NEB: variants seen among roughly 807,000 people sequenced by gnomAD.
NEB encodes nemaline myopathy type 2.
Under a neutral mutation model 952.2 loss-of-function variants are expected in NEB, and 512 were observed. That is an observed-to-expected ratio of 0.54 (90% confidence interval 0.50 to 0.58). The LOEUF (loss-of-function observed/expected upper bound fraction) is 0.58. Ranked by LOEUF, NEB falls within the 20% of genes least tolerant of loss-of-function variation. NEB has a pLI of 0.00. For missense variants in NEB, 8,428 were observed against 9,231.1 expected (o/e 0.91, Z 3.56); for synonymous variants, 2,900 against 3,149.8 (o/e 0.92, Z 2.66).
intron 52 of NEB, 76 bp downstream of exon 52, chr2:151,653,916 A>G: frequency 2.2e-6 from 2 of 919,768 alleles, no homozygotes; most frequent in Non-Finnish European, 3.5e-6. Flanking sequence ...AAGACTATCC[A>G]TAAAAATAGT....
intron 74 of NEB, among the ~76,000 whole-genome samples, chr2:151,617,923 G>T (rs2098258754): frequency 6.6e-6 from 1 of 152,118 alleles, no homozygotes; most frequent in Non-Finnish European, 1.5e-5. Context: ...TGCTGGGTGT[G>T]GTGGCAGGCT....
chr2:151,539,441 C>T (rs2093710767), intron 138 of NEB, among the ~76,000 whole-genome samples: 1 of 152,110 alleles, frequency 6.6e-6, no homozygotes, highest in Non-Finnish European at 1.5e-5. Context: ...TTTGCTGTGC[C>T]TTCTCTTTTC....
Position 151,493,798 on chromosome 2 carries a change from G to A in NEB, c.24649C>T (p.Arg8217Cys), listed in dbSNP as rs542275170. 19 of 1,583,134 alleles carry A rather than the reference G, an allele frequency of 1.2e-5. No individual in the cohort carries two copies. The highest frequency in any genetic ancestry group is 4.5e-5 in the East Asian group (2 of 44,096). ...ACCGAGCTAAAGTTTTCTTGATTGC[G>A]TTTCACTCTTTCCATCTCAGGAGTA... is the stretch of plus-strand genomic sequence containing the variant. ...PFTPEMERVK[R>C]NQENFSSVLY... The change falls in exon 175 of 182, where the codon CGC (arginine) becomes TGC (cysteine). Residue 8217 changes from arginine (R) to cysteine (C), a missense_variant. Physicochemically the swap from Arg to Cys is radical, Grantham distance 180. Around this residue, in one of 11 missense-constraint regions of NEB, gnomAD observed 3,374 missense variants for 3,651.5 expected, o/e 0.92. Coordinates refer to ENST00000397345, the MANE Select transcript of NEB (RefSeq NM_001164508.2).
chr2:151,631,266 C>T lies in NEB; in HGVS notation c.9495G>A (p.Lys3165=), dbSNP rs745555630. ...TATCACTCAGTATTTCGGTAGCTCT[C>T]TTGCACTTGACCACATCCATAGACC... ...PIGSMDVVKC[K]RATEILSDNI... Residue 3165 remains lysine, a synonymous_variant, in exon 66 of 182, where the codon AAG becomes AAA. Coordinates refer to ENST00000397345, the MANE Select transcript of NEB (RefSeq NM_001164508.2). The T allele has an allele frequency of 6.2e-7, 1 of 1,613,932 alleles. No homozygotes were observed. The highest frequency in any genetic ancestry group is 1.7e-5 in the Admixed American group (1 of 60,016).
At chr2:151,645,953 T>C (rs764921118) in intron 55 of NEB, among the ~76,000 whole-genome samples, 177 bp downstream of exon 55, 18 of 152,204 alleles carry the variant, frequency 1.2e-4, no homozygotes, top group South Asian at 6.2e-4. Context: ...CTGCCTGACA[T>C]AGTGAGTACT....
Position 151,519,773 on chromosome 2 carries a change from C to A in NEB, c.22480-5G>T, listed in dbSNP as rs753985158. 2 of 1,562,978 alleles carry A rather than the reference C, an allele frequency of 1.3e-6. No individual in the cohort carries two copies. Among genetic ancestry groups the A allele is most frequent in the Non-Finnish European group, 1.8e-6 (2 of 1,134,052 alleles). On this transcript the variant is annotated splice_polypyrimidine_tract_variant and splice_region_variant and intron_variant, in intron 153 of 181. Transcript: ENST00000397345. ...GAAATTTTCTCGGTATTTAACCTAA[C>A]AGCAAATGCAAACATCCAAATTATT...
At position 151,659,094 on chromosome 2, in the gene NEB, C is replaced by T; in HGVS notation, c.6046G>A (p.Ala2016Thr). The change falls in exon 47 of 182, where the codon GCA becomes ACA. Residue 2016 changes from alanine (A) to threonine (T), a missense_variant. Physicochemically the swap from Ala to Thr is moderately conservative, Grantham distance 58. Coordinates refer to ENST00000397345, the MANE Select transcript of NEB (RefSeq NM_001164508.2). Reference protein sequence around the residue: ...IMPDIPQIILAKANAINMSDK... With the variant: ...IMPDIPQIILTKANAINMSDK... ...CTCATATTAATTGCATTTGCCTTTG[C>T]CAAAATAATCTGGGGGATATCAGGC... 1 of 1,612,164 alleles carries T rather than the reference C, an allele frequency of 6.2e-7. No individual in the cohort carries two copies. Among genetic ancestry groups the T allele is most frequent in the African/African-American group, 1.3e-5 (1 of 74,910 alleles).
intron 102 of NEB, among the ~76,000 whole-genome samples, 195 bp from the exon 103 acceptor site, chr2:151,581,782 A>G (rs914631938): frequency 1.5e-4 from 22 of 148,072 alleles, no homozygotes; most frequent in South Asian, 6.4e-4. Context: ...ATCTAATTTT[A>G]TATTAAATAA....
intron 124 of NEB, among the ~76,000 whole-genome samples, chr2:151,558,319 G>A (rs1009835903): frequency 2.6e-5 from 4 of 152,236 alleles, no homozygotes; most frequent in Middle Eastern, 3.4e-3. Flanking sequence ...GGATCTGAAG[G>A]ACCTCTTCAA....
intron 68 of NEB, 129 bp from the exon 69 acceptor site, chr2:151,627,963 T>C: frequency 8.1e-7 from 1 of 1,227,972 alleles, no homozygotes; most frequent in South Asian, 1.6e-5. Flanking sequence ...CATATCAGTT[T>C]ATCTCCTCAT....
chr2:151,569,174 A>T, intron 110 of NEB, 94 bp downstream of exon 110: 1 of 1,007,666 alleles, frequency 9.9e-7, no homozygotes, highest in Non-Finnish European at 1.5e-6. Context: ...TGAAATGGTT[A>T]AGATTGCTGA....
intron 124 of NEB, among the ~76,000 whole-genome samples, chr2:151,555,964 C>A (rs889533101): frequency 6.6e-6 from 1 of 151,750 alleles, no homozygotes; most frequent in Non-Finnish European, 1.5e-5. Flanking sequence ...CTATGTTTTA[C>A]CTTGCTCCAA....
chr2:151,493,342 C>A lies in NEB; in HGVS notation c.24765+11G>T. 3 of 1,591,444 alleles carry A rather than the reference C, an allele frequency of 1.9e-6. No individual in the cohort carries two copies. The African/African-American group carries it at 4.0e-5, about 21-fold the overall frequency. On this transcript the variant is annotated intron_variant, in intron 176 of 181. Coordinates refer to ENST00000397345, the MANE Select transcript of NEB (RefSeq NM_001164508.2). The stretch of plus-strand genomic sequence containing the variant: ...GTTGTTGCACTATTTCTTTTTAGTC[C>A]TAGAAAATACCGAGCTAATGTTTTC...
rs763191027 is a variant in NEB at position 151,568,394 on chromosome 2, A to G, written c.17658T>C (p.Asn5886=). The G allele has an allele frequency of 6.2e-7, 1 of 1,608,882 alleles. No individual in the cohort carries two copies. The highest frequency in any genetic ancestry group is 1.7e-5 in the Admixed American group (1 of 58,908). Residue 5886 remains asparagine, a synonymous_variant, in exon 112 of 182, where the codon AAT becomes AAC. Transcript: ENST00000397345. ...LDDIKYRKDW[N]ATKSKYTLTE... is the part of the protein sequence containing the mutation. ...TGAGGGTGTACTTTGATTTGGTGGC[A>G]TTCCAGTCTTTCCGGTATTTAATCT...
intron 13 of NEB, among the ~76,000 whole-genome samples, chr2:151,705,582 C>T (rs1242286677): frequency 1.4e-4 from 21 of 151,704 alleles, no homozygotes; most frequent in Admixed American, 1.4e-3. Flanking sequence ...GAGTATCTAC[C>T]CAAAGGAAAA....
intron 74 of NEB, among the ~76,000 whole-genome samples, chr2:151,618,058 C>T (rs532618407): frequency 2.0e-5 from 3 of 151,952 alleles, no homozygotes; most frequent in East Asian, 3.9e-4. Flanking sequence ...AAAACTTAGT[C>T]TCAAAAAACA....
Position 151,618,258 on chromosome 2 carries a change from G to A in NEB, c.11076+17C>T, listed in dbSNP as rs1331357452. Reference sequence around the variant, plus strand: ...GTGGTAACTTTCGGTATCTAACAGTGAGGATTGAAGACTCACCTTATTCAT... The same window carrying A: ...GTGGTAACTTTCGGTATCTAACAGTAAGGATTGAAGACTCACCTTATTCAT... On this transcript the variant is annotated intron_variant, in intron 74 of 181. Coordinates refer to ENST00000397345, the MANE Select transcript of NEB (RefSeq NM_001164508.2). 1 of 1,609,208 alleles carries A rather than the reference G, an allele frequency of 6.2e-7. No homozygotes were observed. The highest frequency in any genetic ancestry group is 8.5e-7 in the Non-Finnish European group (1 of 1,175,904).
intron 135 of NEB, among the ~76,000 whole-genome samples, chr2:151,545,489 C>T (rs2094562086): frequency 6.6e-6 from 1 of 151,878 alleles, no homozygotes; most frequent in African/African-American, 2.4e-5. Flanking sequence ...GCAGGAGAAT[C>T]GCATGAACCC....
chr2:151,734,280 C>A (rs2099816195), intron 1 of NEB, 118 bp downstream of exon 1: 1 of 152,130 alleles, frequency 6.6e-6, no homozygotes, highest in South Asian at 2.1e-4. Context: ...ACTCTCCTAG[C>A]CATATTTCTA....
Sources: gnomAD v4.1 joint callset for allele counts (sites outside exome capture counted in the v4.1 genomes callset) on GRCh38, gnomAD v4.1.1 for gene constraint, gnomAD v4.1.1 regional missense constraint, MANE v1.5 for transcripts, NCBI Gene and HGNC (gene_info 2026-07-23, HGNC 2026-07-21) for gene names.